PTPRG: variants seen among roughly 807,000 people sequenced by gnomAD.
The protein encoded by PTPRG is protein tyrosine phosphatase receptor type G, also known as receptor-type tyrosine-protein phosphatase gamma.
In PTPRG, 102 loss-of-function variants were observed where a neutral mutation model predicts 165.3. The ratio of observed to expected loss-of-function variants is 0.62; its 90% CI spans 0.53 to 0.73. PTPRG has a LOEUF of 0.73. PTPRG is among the 30% of genes least tolerant of loss of function. PTPRG has a pLI of 0.00. For synonymous variants in PTPRG, 675 were observed against 669.5 expected, an observed-to-expected ratio of 1.01 and a Z score of -0.13; for missense variants, 1,866 against 1,861.4, an observed-to-expected ratio of 1.00 and a Z score of -0.05.
chr3:62,128,607 G>A (rs1427243932), intron 5 of PTPRG, among the ~76,000 whole-genome samples: 1 of 151,100 alleles, frequency 6.6e-6, no homozygotes, highest in Non-Finnish European at 1.5e-5. Flanking sequence ...AACTTTAAAC[G>A]TTTAATCCTC....
chr3:61,954,491 G>C (rs936192790), intron 2 of PTPRG, among the ~76,000 whole-genome samples: 3 of 152,108 alleles, frequency 2.0e-5, no homozygotes, highest in Admixed American at 6.6e-5. Context: ...TCTGTATAGG[G>C]CTGGTTTGTA....
chr3:61,966,770 C>A (rs560542643), intron 2 of PTPRG, among the ~76,000 whole-genome samples: 1 of 152,274 alleles, frequency 6.6e-6, no homozygotes, highest in African/African-American at 2.4e-5. Context: ...TCTGCCACTG[C>A]AGAGTGGGTA....
intron 2 of PTPRG, among the ~76,000 whole-genome samples, chr3:61,819,453 G>C (rs1000592420): frequency 9.2e-5 from 14 of 152,156 alleles, no homozygotes; most frequent in African/African-American, 1.2e-4. Context: ...TTTGGGGAAG[G>C]ATAGCACTAG....
chr3:62,044,472 G>C (rs148423561), intron 4 of PTPRG, among the ~76,000 whole-genome samples: 1,531 of 152,144 alleles, frequency 0.01, 19 homozygotes, highest in African/African-American at 0.035. Flanking sequence ...CCAGGAGACA[G>C]AGGTTGCAGT....
At chr3:61,994,467 C>T (rs977841844) in intron 3 of PTPRG, among the ~76,000 whole-genome samples, 3 of 152,124 alleles carry the variant, frequency 2.0e-5, no homozygotes, top group Non-Finnish European at 4.4e-5. Flanking sequence ...TATTTGTCTG[C>T]ATATGCCATA....
intron 4 of PTPRG, among the ~76,000 whole-genome samples, chr3:62,062,036 A>G (rs1178564906): frequency 6.7e-6 from 1 of 150,300 alleles, no homozygotes; most frequent in East Asian, 2.1e-4. Flanking sequence ...GTGGTGGCTC[A>G]CGCCTGTAAT....
chr3:61,765,920 T>C (rs576208591), intron 2 of PTPRG, among the ~76,000 whole-genome samples: 8 of 152,186 alleles, frequency 5.3e-5, no homozygotes, highest in Non-Finnish European at 1.0e-4. Flanking sequence ...TGTAGATATT[T>C]GAGTATAAAG....
chr3:61,743,339 A>G (rs916149221), intron 1 of PTPRG, among the ~76,000 whole-genome samples: 1 of 152,146 alleles, frequency 6.6e-6, no homozygotes, highest in South Asian at 2.1e-4. Flanking sequence ...AGTTAATACT[A>G]TTGGTTTTGA....
chr3:62,122,041 G>T (rs930917492), intron 5 of PTPRG, among the ~76,000 whole-genome samples: 3 of 152,132 alleles, frequency 2.0e-5, no homozygotes, highest in African/African-American at 7.2e-5. Flanking sequence ...TCGAGATGGG[G>T]CTGGATTTTG....
At chr3:61,781,737 C>CT (rs983774137) in intron 2 of PTPRG, among the ~76,000 whole-genome samples, 15 of 151,696 alleles carry the variant, frequency 9.9e-5, no homozygotes, top group South Asian at 4.2e-4. Context: ...ATTAATTTCT[C>CT]TTTTTTTTGA....
At chr3:61,932,558 C>T (rs60132609) in intron 2 of PTPRG, among the ~76,000 whole-genome samples, 26 of 152,298 alleles carry the variant, frequency 1.7e-4, no homozygotes, top group Admixed American at 6.5e-4. Flanking sequence ...GTGTGCAAGG[C>T]GCTGTTTTCA....
At chr3:62,014,288 C>G (rs2041490866) in intron 4 of PTPRG, among the ~76,000 whole-genome samples, 1 of 152,076 alleles carries the variant, frequency 6.6e-6, no homozygotes, top group African/African-American at 2.4e-5. Flanking sequence ...ATTGTTTGGC[C>G]TGGCGCTGTA....
chr3:62,179,779 TAC>T (rs1705577319), intron 8 of PTPRG, among the ~76,000 whole-genome samples: 1 of 152,196 alleles, frequency 6.6e-6, no homozygotes, highest in African/African-American at 2.4e-5. Context: ...CTGAGGGCAG[TAC>T]CAGGTGTGGG....
intron 15 of PTPRG, among the ~76,000 whole-genome samples, chr3:62,253,841 CAGGA>C (rs1422697473): frequency 6.6e-6 from 1 of 152,142 alleles, no homozygotes; most frequent in Non-Finnish European, 1.5e-5. Flanking sequence ...ATTGTTCACA[CAGGA>C]AGAATTTGTA....
At position 62,012,021 on chromosome 3, in the gene PTPRG, C is replaced by A. The variant is rs186508405; in HGVS notation, c.519+8524C>A. Among the ~76,000 whole-genome samples, 186 of 151,856 alleles carry A rather than the reference C, an allele frequency of 1.2e-3. 1 individual carries two copies. The highest frequency in any genetic ancestry group is 4.3e-3 in the African/African-American group (176 of 41,404). On this transcript the variant is annotated intron_variant, in intron 4 of 29. Coordinates refer to ENST00000474889, the MANE Select transcript of PTPRG (RefSeq NM_002841.4). ...AACTTGGTGACCGTGGTGGCCCTCA[C>A]AACCATATAGAAGGCTTAGGGTAGT...
intron 1 of PTPRG, among the ~76,000 whole-genome samples, chr3:61,590,798 AC>A (rs1700550867): frequency 6.6e-6 from 1 of 152,130 alleles, no homozygotes; most frequent in Non-Finnish European, 1.5e-5. Context: ...CTTTTTAGTT[AC>A]AGTATAGTAT....
At chr3:62,079,638 A>C (rs1701499300) in intron 5 of PTPRG, among the ~76,000 whole-genome samples, 1 of 152,190 alleles carries the variant, frequency 6.6e-6, no homozygotes, top group Admixed American at 6.5e-5. Flanking sequence ...GTATTGGTCT[A>C]ATTTGCCCAT....
intron 13 of PTPRG, among the ~76,000 whole-genome samples, chr3:62,225,602 T>TGGCTTTGTATATCTGAAAA (rs1371716844): frequency 6.6e-6 from 1 of 151,622 alleles, no homozygotes; most frequent in Non-Finnish European, 1.5e-5. Flanking sequence ...ACCCCTGAAA[T>TGGCTTTGTATATCTGAAAA]GGCTTTGTAT....
chr3:61,615,330 A>G (rs981164735), intron 1 of PTPRG, among the ~76,000 whole-genome samples: 2 of 152,176 alleles, frequency 1.3e-5, no homozygotes, highest in Non-Finnish European at 2.9e-5. Flanking sequence ...TATGACCTCG[A>G]TACTTTTGAA....
Sources: gnomAD v4.1 joint callset for allele counts (sites outside exome capture counted in the v4.1 genomes callset) on GRCh38, gnomAD v4.1.1 for gene constraint, MANE v1.5 for transcripts, NCBI Gene and HGNC (gene_info 2026-07-23, HGNC 2026-07-21) for gene names.